The following DPP4 variants were observed in gnomAD, a reference collection of about 807,000 sequenced individuals.
DPP4 encodes the protein ADCP-2.
A neutral mutation model predicts 122.4 loss-of-function variants in DPP4; 93 were observed. That is an observed-to-expected ratio of 0.76 (90% CI 0.64 to 0.90). DPP4 has a LOEUF of 0.90. DPP4 is among the 40% of genes least tolerant of loss of function. The pLI is 0.00. For synonymous variants in DPP4, 321 were observed against 302.9 expected (o/e 1.06, Z -0.62); for missense variants, 914 against 907.3 (o/e 1.01, Z -0.09).
intron 2 of DPP4, among the ~76,000 whole-genome samples, chr2:162,058,560 A>T (rs552419807): frequency 6.6e-6 from 1 of 152,330 alleles, no homozygotes; most frequent in East Asian, 1.9e-4. Context: ...TAAACTCTAT[A>T]TTTAATCGTT....
chr2:162,019,568 G>A (rs1402629743), intron 14 of DPP4, among the ~76,000 whole-genome samples: 1 of 151,654 alleles, frequency 6.6e-6, no homozygotes, highest in Non-Finnish European at 1.5e-5. Context: ...AAAAAAAATA[G>A]GACTAGGCAG....
At position 161,997,209 on chromosome 2, in the gene DPP4, A is replaced by G. The variant is rs556650831; in HGVS notation, c.2053-1837T>C. On this transcript the variant is annotated intron_variant, in intron 23 of 25. Transcript: ENST00000360534. ...CTCACCCAAATTGAAAATTTTACTC[A>G]TGAACTCTCAGAATAAAAACCTGAG... is the stretch of plus-strand genomic sequence containing the variant. Among the ~76,000 whole-genome samples, 80 of 152,300 alleles carry G rather than the reference A, an allele frequency of 5.3e-4. 2 individuals carry two copies. The highest frequency in any genetic ancestry group is 1.9e-3 in the African/African-American group (77 of 41,572).
intron 23 of DPP4, 83 bp from the exon 24 acceptor site, chr2:161,995,455 G>A (rs1363400519): frequency 6.7e-6 from 9 of 1,347,644 alleles, no homozygotes; most frequent in South Asian, 1.2e-5. Context: ...AAAATAAAAT[G>A]TTTTCAGCTG....
chr2:162,024,453 A>G (rs545640817), intron 11 of DPP4, among the ~76,000 whole-genome samples: 1 of 152,246 alleles, frequency 6.6e-6, no homozygotes, highest in South Asian at 2.1e-4. Context: ...TCCCTACATT[A>G]TCTTTATTAA....
At chr2:162,073,349 C>T in intron 2 of DPP4, 50 bp downstream of exon 2, 3 of 1,590,164 alleles carry the variant, frequency 1.9e-6, no homozygotes, top group South Asian at 2.2e-5. Flanking sequence ...TAAGACGGAG[C>T]CTGACCTGAG....
At chr2:162,057,542 A>G (rs1181387501) in intron 2 of DPP4, among the ~76,000 whole-genome samples, 1 of 152,202 alleles carries the variant, frequency 6.6e-6, no homozygotes, top group Non-Finnish European at 1.5e-5. Context: ...ACCCAGCAGT[A>G]GCACCTGCTC....
At chr2:162,016,221 TAAC>T (rs1280577645) in intron 18 of DPP4, among the ~76,000 whole-genome samples, 5 of 152,104 alleles carry the variant, frequency 3.3e-5, no homozygotes, top group South Asian at 2.1e-4. Flanking sequence ...AAACAATAAA[TAAC>T]AAGATTTTCT....
chr2:162,026,513 C>G (rs755912106), intron 10 of DPP4, among the ~76,000 whole-genome samples: 2 of 152,196 alleles, frequency 1.3e-5, no homozygotes, highest in Non-Finnish European at 2.9e-5. Flanking sequence ...CAGTCTTGCT[C>G]TTTAGCCTGA....
intron 2 of DPP4, among the ~76,000 whole-genome samples, chr2:162,070,524 C>G (rs1322796766): frequency 2.0e-5 from 3 of 152,004 alleles, no homozygotes. Flanking sequence ...GTTTTTCTAT[C>G]AAATTCCTTT....
At chr2:162,020,720 A>C (rs1013018646) in intron 12 of DPP4, 32 bp from the exon 13 acceptor site, 11 of 1,522,524 alleles carry the variant, frequency 7.2e-6, no homozygotes, top group Non-Finnish European at 9.9e-6. Context: ...AAGAACATTA[A>C]AGCACAGTGT....
Position 162,035,215 on chromosome 2 carries a change from G to A in DPP4, c.723C>T (p.Tyr241=). Reference sequence around the variant, plus strand: ...TTGGGTACTGCAGTGACTCATCAGAGTAGAAGGAGTATTCAATAAGTGGGA... The same window carrying A: ...TTGGGTACTGCAGTGACTCATCAGAATAGAAGGAGTATTCAATAAGTGGGA... ...TEVPLIEYSF[Y]SDESLQYPKT... The change falls in exon 9 of 26, where the codon TAC becomes TAT. Residue 241 remains tyrosine (Y), a synonymous_variant. Transcript: ENST00000360534. The A allele has an allele frequency of 6.2e-7, 1 of 1,614,042 alleles. No homozygotes were observed. Among genetic ancestry groups the A allele is most frequent in the Middle Eastern group, 1.6e-4 (1 of 6,062 alleles).
intron 2 of DPP4, among the ~76,000 whole-genome samples, chr2:162,066,862 T>C (rs1304566377): frequency 1.3e-5 from 2 of 152,116 alleles, no homozygotes; most frequent in African/African-American, 2.4e-5. Context: ...TAATCAGCTG[T>C]TACGGAAACG....
rs145606779 is a variant in DPP4 at position 162,058,925 on chromosome 2, T to C, written c.95-11424A>G. 3.8e-4 allele frequency among the ~76,000 whole-genome samples: 58 copies of C among 152,350 alleles called. No individual in the cohort carries two copies. In the East Asian group the frequency reaches 7.3e-3, roughly 19 times the overall value. ...CAAAAACAAAAACTGCTCACAAGAC[T>C]GGACTTGAAAGACAAATGTTGAGAC... On this transcript the variant is annotated intron_variant, in intron 2 of 25. Coordinates refer to ENST00000360534, the MANE Select transcript of DPP4 (RefSeq NM_001935.4).
At chr2:161,993,478 C>A in intron 25 of DPP4, 94 bp from the exon 26 acceptor site, 1 of 890,010 alleles carries the variant, frequency 1.1e-6, no homozygotes, top group Middle Eastern at 2.2e-4. Context: ...CACGAGCATA[C>A]ATGGTATAAA....
chr2:162,022,476 C>A (rs1159656689), intron 12 of DPP4, among the ~76,000 whole-genome samples: 2 of 152,132 alleles, frequency 1.3e-5, no homozygotes, highest in Non-Finnish European at 2.9e-5. Context: ...CCATGGTTAC[C>A]CTTTAACTTG....
intron 18 of DPP4, among the ~76,000 whole-genome samples, chr2:162,014,722 A>C (rs1682849151): frequency 6.6e-6 from 1 of 152,214 alleles, no homozygotes; most frequent in Non-Finnish European, 1.5e-5. Flanking sequence ...TAGTAACATA[A>C]AAGTGCATCT....
chr2:162,044,948 TTTTC>T (rs776414898), intron 5 of DPP4, among the ~76,000 whole-genome samples: 6 of 151,166 alleles, frequency 4.0e-5, no homozygotes, highest in East Asian at 1.9e-4. Context: ...TTCCTTTTCT[TTTTC>T]TTTCTTTCTT....
rs1465459568 is a variant in DPP4 at position 161,993,117 on chromosome 2, C to T, written c.*166G>A. 3 of 570,290 alleles carry T rather than the reference C, an allele frequency of 5.3e-6. No individual in the cohort carries two copies. Among genetic ancestry groups the T allele is most frequent in the Non-Finnish European group, 9.4e-6 (3 of 317,600 alleles). 35.3% of individuals were successfully genotyped at this position (570,290 alleles called of 1,614,324 possible). ...AATAATCTGTTGTGAAGACAGAAGT[C>T]CCTACTTAAGATGATAGGTATGAAA... On this transcript the variant is annotated 3_prime_UTR_variant, in exon 26 of 26. Coordinates refer to ENST00000360534, the MANE Select transcript of DPP4 (RefSeq NM_001935.4).
Position 162,053,821 on chromosome 2 carries a change from A to G in DPP4, c.95-6320T>C, listed in dbSNP as rs115820497. ...CTAGATTTCAAAAGATTCCTCAGAA[A>G]GGCTAGCGGCCCATGAAGAGAACTG... On this transcript the variant is annotated intron_variant, in intron 2 of 25. Transcript: ENST00000360534. 6.0e-3 allele frequency among the ~76,000 whole-genome samples: 917 copies of G among 152,356 alleles called. 9 individuals are homozygous for G. Among genetic ancestry groups the G allele is most frequent in the African/African-American group, 0.021 (879 of 41,572 alleles).
Sources: allele counts gnomAD v4.1 joint callset (sites outside exome capture counted in the v4.1 genomes callset), GRCh38; gene constraint gnomAD v4.1.1; transcripts MANE v1.5; gene names NCBI Gene and HGNC (gene_info 2026-07-23, HGNC 2026-07-21).